ADGRB1: variants seen among roughly 807,000 people sequenced by gnomAD.
The protein encoded by ADGRB1 is brain-specific angiogenesis inhibitor 1.
ADGRB1 carries 36 observed loss-of-function variants against 175.7 expected under a neutral mutation model. The ratio of observed to expected loss-of-function variants is 0.20; its 90% CI spans 0.16 to 0.27. ADGRB1 has a LOEUF of 0.27. Ranked by LOEUF, ADGRB1 falls within the 10% of genes least tolerant of loss-of-function variation. ADGRB1 has a pLI of 1.00. For missense variants in ADGRB1, 1,731 were observed against 2,255.3 expected (o/e 0.77, Z 4.71); for synonymous variants, 1,054 against 979.4 (o/e 1.08, Z -1.42).
Position 142,543,287 on chromosome 8 carries a change from T to C in ADGRB1, c.4414-116T>C. 6 of 1,390,678 alleles carry C rather than the reference T, an allele frequency of 4.3e-6. No homozygotes were observed. The highest frequency in any genetic ancestry group is 6.0e-6 in the Non-Finnish European group (6 of 1,003,778). 86.1% of individuals were successfully genotyped at this position (1,390,678 alleles called of 1,614,324 possible). ...GGCATGTCCCCTGGGTCTGGCCTGG[T>C]CCCTGAAGGCAGGCATGGGGCGAGT... is the stretch of plus-strand genomic sequence containing the variant. On this transcript the variant is annotated intron_variant, in intron 28 of 30. Coordinates refer to ENST00000517894, the MANE Select transcript of ADGRB1 (RefSeq NM_001702.3). This position sits in a 1 kb window ranked among gnomAD's most constrained non-coding sequence, Gnocchi z 4.4.
At chr8:142,469,142 T>TGTGTGCATGC (rs1303430737) in intron 2 of ADGRB1, among the ~76,000 whole-genome samples, 1 of 126,804 alleles carries the variant, frequency 7.9e-6, no homozygotes, top group African/African-American at 3.1e-5. Flanking sequence ...TGTGTGCATG[T>TGTGTGCATGC]GTGTGCATGC....
chr8:142,516,256 G>T (rs1342595218), intron 18 of ADGRB1, among the ~76,000 whole-genome samples: 2 of 147,752 alleles, frequency 1.4e-5, no homozygotes, highest in African/African-American at 2.6e-5. Context: ...GGCCCCAGGT[G>T]CGTGCGTCTG....
At chr8:142,525,001 C>G (rs1278839863) in intron 23 of ADGRB1, among the ~76,000 whole-genome samples, 1 of 152,080 alleles carries the variant, frequency 6.6e-6, no homozygotes, top group East Asian at 1.9e-4. Context: ...CCCCTCCCCT[C>G]TCGCCCCAGG....
intron 20 of ADGRB1, among the ~76,000 whole-genome samples, chr8:142,521,503 A>G (rs540651497): frequency 9.9e-5 from 15 of 152,208 alleles, no homozygotes; most frequent in Non-Finnish European, 1.9e-4. Flanking sequence ...AAAATAAAGC[A>G]AGAGGGCCCG....
At chr8:142,478,613 G>T (rs1229337052) in intron 7 of ADGRB1, among the ~76,000 whole-genome samples, 5 of 150,406 alleles carry the variant, frequency 3.3e-5, no homozygotes, top group South Asian at 2.1e-4. Flanking sequence ...ATGGGGAGAG[G>T]AGTGGGGTGC....
chr8:142,523,433 G>T (rs567401868), intron 22 of ADGRB1, among the ~76,000 whole-genome samples: 58 of 151,914 alleles, frequency 3.8e-4, no homozygotes, highest in African/African-American at 1.4e-3. Context: ...TCACTGTGGA[G>T]CCCCTGGGGA....
At chr8:142,466,943 C>T (rs755991291) in intron 2 of ADGRB1, among the ~76,000 whole-genome samples, 2 of 152,190 alleles carry the variant, frequency 1.3e-5, no homozygotes, top group Non-Finnish European at 2.9e-5. Context: ...TCTCAGGGGC[C>T]CGGCCCAAGA....
intron 1 of ADGRB1, among the ~76,000 whole-genome samples, chr8:142,463,131 C>T (rs1563677704): frequency 9.2e-5 from 14 of 152,178 alleles, no homozygotes; most frequent in Admixed American, 8.5e-4. Flanking sequence ...GGAAGTAATG[C>T]TAGCCTTGCA....
intron 2 of ADGRB1, among the ~76,000 whole-genome samples, chr8:142,469,907 G>A (rs1345390671): frequency 6.6e-6 from 1 of 152,226 alleles, no homozygotes; most frequent in Non-Finnish European, 1.5e-5. Context: ...GCTGAGACCT[G>A]TGCCCAGGGA....
Position 142,480,923 on chromosome 8 carries a change from G to A in ADGRB1, c.1829-331G>A, listed in dbSNP as rs116205601. Among the ~76,000 whole-genome samples the A allele has an allele frequency of 8.5e-3, 1,293 of 152,194 alleles. 19 individuals are homozygous for A. Among genetic ancestry groups the A allele is most frequent in the African/African-American group, 0.029 (1,198 of 41,532 alleles). On this transcript the variant is annotated intron_variant, in intron 9 of 30. Coordinates refer to ENST00000517894, the MANE Select transcript of ADGRB1 (RefSeq NM_001702.3). ...GGCCCAGGGTGCTGGCTCCCTCCAG[G>A]GCTCTGGGTTGGTTAGAAGGGGCTC...
intron 13 of ADGRB1, among the ~76,000 whole-genome samples, chr8:142,487,895 C>T (rs1244245394): frequency 1.3e-5 from 2 of 152,242 alleles, no homozygotes; most frequent in East Asian, 3.9e-4. Flanking sequence ...GGGCAGCCCC[C>T]ATCCCCCTTC....
Position 142,478,042 on chromosome 8 carries a change from G to T in ADGRB1, c.1388-145G>T, listed in dbSNP as rs544617507. ...TTCTCACCCATGTCACAGGCTGGCC[G>T]TGGGTGGTGGCCCCCAGGGTGTTCT... On this transcript the variant is annotated intron_variant, in intron 6 of 30. Coordinates refer to ENST00000517894, the MANE Select transcript of ADGRB1 (RefSeq NM_001702.3). 10 of 1,075,772 alleles carry T rather than the reference G, an allele frequency of 9.3e-6. 1 individual carries two copies. The highest frequency in any genetic ancestry group is 5.0e-4 in the Middle Eastern group (2 of 4,012). The allele number at this position is 1,075,772 out of a possible 1,614,324, so 66.6% of individuals were successfully genotyped here. A position where few individuals can be genotyped will look rare whatever the true frequency, so the allele number is the denominator to read the frequency against.
chr8:142,530,981 C>G (rs566723829), intron 24 of ADGRB1, among the ~76,000 whole-genome samples: 40 of 152,344 alleles, frequency 2.6e-4, no homozygotes, highest in African/African-American at 9.4e-4. Flanking sequence ...TACAGGTCCC[C>G]AGGCCCCAGG....
At chr8:142,485,472 C>T (rs1305753796) in intron 13 of ADGRB1, among the ~76,000 whole-genome samples, 1 of 152,198 alleles carries the variant, frequency 6.6e-6, no homozygotes, top group African/African-American at 2.4e-5. Flanking sequence ...GGGAGGATCG[C>T]TTGAGCCCAG....
chr8:142,543,587 G>A lies in ADGRB1; in HGVS notation c.4450-14G>A. On this transcript the variant is annotated splice_polypyrimidine_tract_variant and intron_variant, in intron 29 of 30. Coordinates refer to ENST00000517894, the MANE Select transcript of ADGRB1 (RefSeq NM_001702.3). This position sits in a 1 kb window ranked among gnomAD's most constrained non-coding sequence, Gnocchi z 4.4. The stretch of plus-strand genomic sequence containing the variant: ...CTCCTGGCCCAGGACTCACTGCCCA[G>A]ACCCCGCCTGCAGAAGATCATGCAC... 1.3e-6 allele frequency: 2 copies of A among 1,568,706 alleles called. No homozygotes were observed. The highest frequency in any genetic ancestry group is 1.7e-6 in the Non-Finnish European group (2 of 1,156,774).
In ADGRB1 at chr8:142,464,159, C is replaced by G; in HGVS notation, c.-40C>G. 1 of 1,251,692 alleles carries G rather than the reference C, an allele frequency of 8.0e-7. No homozygotes were observed. The highest frequency in any genetic ancestry group is 3.3e-5 in the East Asian group (1 of 30,608). The allele number at this position is 1,251,692 out of a possible 1,614,324, so 77.5% of individuals were successfully genotyped here. On this transcript the variant is annotated 5_prime_UTR_variant, in exon 2 of 31. Transcript: ENST00000517894. ...ATGTCAAGACCTGGTCCGCGCCTGC[C>G]TGCCCAGCCCGCGGAACCCCGGCGG...
Position 142,477,240 on chromosome 8 carries a change from G to A in ADGRB1, c.1184G>A (p.Arg395His). Residue 395 changes from arginine to histidine, a missense_variant, in exon 5 of 31, where the codon CGC (arginine) becomes CAC (histidine). Physicochemically the swap from Arg to His is conservative, Grantham distance 29. Around this residue, in one of 8 missense-constraint regions of ADGRB1, gnomAD observed 178 missense variants for 227.8 expected, o/e 0.78. Coordinates refer to ENST00000517894, the MANE Select transcript of ADGRB1 (RefSeq NM_001702.3). ...AGCACGCAGTGCAGCGGACCCCTGC[G>A]CGAGCAGCGGCTGTGCAACAACTCT... ...SYSTQCSGPL[R>H]EQRLCNNSAV... 6.3e-7 allele frequency: 1 copy of A among 1,595,800 alleles called. No homozygotes were observed. Among genetic ancestry groups the A allele is most frequent in the Non-Finnish European group, 8.5e-7 (1 of 1,173,472 alleles).
chr8:142,483,955 C>T (rs1563700350), intron 11 of ADGRB1, 22 bp from the exon 12 acceptor site: 1 of 1,612,676 alleles, frequency 6.2e-7, no homozygotes, highest in Non-Finnish European at 8.5e-7. Flanking sequence ...CTGTCACTGG[C>T]CCTTCTTCCT....
intron 1 of ADGRB1, among the ~76,000 whole-genome samples, chr8:142,460,391 T>A (rs1183292222): frequency 6.6e-6 from 1 of 152,184 alleles, no homozygotes; most frequent in Non-Finnish European, 1.5e-5. Context: ...TTTGGGCCAG[T>A]TCTGTGGGTC....
Sources: gnomAD v4.1 joint callset for allele counts (sites outside exome capture counted in the v4.1 genomes callset) on GRCh38, gnomAD v4.1.1 for gene constraint, gnomAD v4.1.1 regional missense constraint, Gnocchi (gnomAD v3.1) non-coding constraint, MANE v1.5 for transcripts, NCBI Gene and HGNC (gene_info 2026-07-23, HGNC 2026-07-21) for gene names.